The following CHN2 variants were observed in gnomAD, a reference collection of about 807,000 sequenced individuals.
The protein encoded by CHN2 is chimerin 2.
Under a neutral mutation model 56.3 loss-of-function variants are expected in CHN2, and 35 were observed. The observed-to-expected ratio is 0.62, with a 90% CI of 0.47 to 0.82. The LOEUF is 0.82. Among genes scored for constraint, CHN2 ranks in the 40% least tolerant of loss-of-function variants. CHN2 has a pLI of 0.00. For missense variants in CHN2, 491 were observed against 580.5 expected, an observed-to-expected ratio of 0.85 and a Z score of 1.58; for synonymous variants, 210 against 212.8, an observed-to-expected ratio of 0.99 and a Z score of 0.12.
At chr7:29,273,172 T>A (rs1790801228) in intron 1 of CHN2, among the ~76,000 whole-genome samples, 1 of 151,666 alleles carries the variant, frequency 6.6e-6, no homozygotes, top group Admixed American at 6.6e-5. Context: ...CTCTGTGTAT[T>A]TGAGCTTTTT....
At chr7:29,300,172 C>T (rs3793300) in intron 1 of CHN2, among the ~76,000 whole-genome samples, 33,231 of 152,080 alleles carry the variant, frequency 0.22, 4,162 homozygotes, top group Non-Finnish European at 0.29. Flanking sequence ...GATTATGGAA[C>T]GTCTTACATG....
intron 1 of CHN2, among the ~76,000 whole-genome samples, chr7:29,333,892 T>A (rs1459925396): frequency 1.3e-5 from 2 of 151,840 alleles, no homozygotes; most frequent in African/African-American, 4.8e-5. Flanking sequence ...AAAAGGTAGA[T>A]GATGATAGAA....
rs953455085 is a variant in CHN2, at chr7:29,194,852, G to A, written c.-90G>A. 10 of 1,230,686 alleles carry A rather than the reference G, an allele frequency of 8.1e-6. No homozygotes were observed. The highest frequency in any genetic ancestry group is 8.0e-5 in the African/African-American group (5 of 62,434). The allele number at this position is 1,230,686 out of a possible 1,614,324, so 76.2% of individuals were successfully genotyped here. A position where few individuals can be genotyped will look rare whatever the true frequency, so the allele number is the denominator to read the frequency against. Reference sequence around the variant, plus strand: ...CCCAGGACTTTGCCATGGGCTGGGGGCCGCGGAGGCTGCGAGCGGCCGGGC... The same window carrying A: ...CCCAGGACTTTGCCATGGGCTGGGGACCGCGGAGGCTGCGAGCGGCCGGGC... On this transcript the variant is annotated 5_prime_UTR_variant, in exon 1 of 13. Coordinates refer to ENST00000222792, the MANE Select transcript of CHN2 (RefSeq NM_004067.4).
At chr7:29,480,249 C>T in intron 6 of CHN2, 30 bp from the exon 7 acceptor site, 1 of 1,614,122 alleles carries the variant, frequency 6.2e-7, no homozygotes, top group South Asian at 1.1e-5. Flanking sequence ...CTTTCTTTGG[C>T]CCCCTCTCAA....
intron 1 of CHN2, among the ~76,000 whole-genome samples, chr7:29,273,345 A>ATATATATATGTG (rs201091032): frequency 4.3e-3 from 124 of 28,704 alleles, no homozygotes; most frequent in African/African-American, 0.015. Context: ...ATATATGTGT[A>ATATATATATGTG]TATATATATA....
At chr7:29,351,726 A>G (rs1797899601) in intron 1 of CHN2, among the ~76,000 whole-genome samples, 1 of 152,208 alleles carries the variant, frequency 6.6e-6, no homozygotes. Context: ...AAGCCAGTGT[A>G]GTTGGATGAT....
intron 1 of CHN2, among the ~76,000 whole-genome samples, chr7:29,295,263 T>G (rs1357745494): frequency 1.3e-5 from 2 of 151,384 alleles, no homozygotes; most frequent in African/African-American, 2.4e-5. Context: ...AATCCACAGA[T>G]GTGGAACCCA....
intron 1 of CHN2, among the ~76,000 whole-genome samples, chr7:29,248,024 C>T (rs1469782459): frequency 6.6e-6 from 1 of 152,216 alleles, no homozygotes; most frequent in East Asian, 1.9e-4. Context: ...AGCTCAGAGA[C>T]CAACCAGCTG....
rs117658405 is a variant in CHN2, at chr7:29,281,954, G to A, written c.50-72671G>A. Among the ~76,000 whole-genome samples the A allele has an allele frequency of 3.6e-3, 544 of 152,238 alleles. 1 individual carries two copies. Among genetic ancestry groups the A allele is most frequent in the Non-Finnish European group, 5.7e-3 (388 of 68,006 alleles). ...TCTGCTGCCTCGGCACTGGGTGGTG[G>A]GAACACTCAGGACTCCCTCCCGCCT... is the stretch of plus-strand genomic sequence containing the variant. On this transcript the variant is annotated intron_variant, in intron 1 of 12. Coordinates refer to ENST00000222792, the MANE Select transcript of CHN2 (RefSeq NM_004067.4).
chr7:29,176,347 C>A (rs1797339439), intron 2 of CHN2, among the ~76,000 whole-genome samples: 1 of 151,532 alleles, frequency 6.6e-6, no homozygotes, highest in Non-Finnish European at 1.5e-5. Flanking sequence ...CAGATTCCCC[C>A]AAACAGAGAG....
intron 1 of CHN2, among the ~76,000 whole-genome samples, chr7:29,249,238 ACT>A (rs1788304384): frequency 6.6e-6 from 1 of 152,122 alleles, no homozygotes; most frequent in Admixed American, 6.5e-5. Context: ...CGATGGCATA[ACT>A]CTCAGTTTGA....
At chr7:29,169,455 T>C (rs1796321137) in intron 2 of CHN2, among the ~76,000 whole-genome samples, 1 of 152,228 alleles carries the variant, frequency 6.6e-6, no homozygotes, top group African/African-American at 2.4e-5. Context: ...TTTGTTTTTA[T>C]ATAAATGTTT....
At chr7:29,437,248 T>A (rs913565170) in intron 6 of CHN2, among the ~76,000 whole-genome samples, 6 of 152,234 alleles carry the variant, frequency 3.9e-5, no homozygotes, top group Non-Finnish European at 7.3e-5. Context: ...CATCTGTACC[T>A]GACCTAGTAG....
At chr7:29,462,273 G>A (rs906146934) in intron 6 of CHN2, among the ~76,000 whole-genome samples, 12 of 152,192 alleles carry the variant, frequency 7.9e-5, no homozygotes, top group African/African-American at 2.7e-4. Flanking sequence ...GGCTGCTATA[G>A]ACCATATCAC....
At chr7:29,415,362 T>C (rs1024129345) in intron 6 of CHN2, among the ~76,000 whole-genome samples, 15 of 152,218 alleles carry the variant, frequency 9.9e-5, no homozygotes, top group African/African-American at 2.7e-4. Context: ...ACCAAGAGCT[T>C]CATTCTGGAG....
intron 2 of CHN2, among the ~76,000 whole-genome samples, chr7:29,152,606 C>G (rs1253829088): frequency 6.6e-6 from 1 of 152,134 alleles, no homozygotes; most frequent in Non-Finnish European, 1.5e-5. Context: ...TTAGTTTGTT[C>G]CCATCCACCC....
intron 1 of CHN2, among the ~76,000 whole-genome samples, chr7:29,305,931 C>T (rs1270009044): frequency 1.3e-5 from 2 of 151,620 alleles, no homozygotes; most frequent in South Asian, 2.1e-4. Flanking sequence ...CACATGCTTA[C>T]TTGAATCTTT....
In CHN2 at chr7:29,454,902, A is replaced by T. The variant is rs137994824; in HGVS notation, c.577-25377A>T. The stretch of plus-strand genomic sequence containing the variant: ...AAAAAACACCTTAGTGCATTTTTTA[A>T]CTAGACTGCTTTTAAAAATTATTAA... On this transcript the variant is annotated intron_variant, in intron 6 of 12. Transcript: ENST00000222792. Among the ~76,000 whole-genome samples the T allele has an allele frequency of 3.6e-3, 537 of 151,152 alleles. 7 individuals are homozygous for T. Among genetic ancestry groups the T allele is most frequent in the African/African-American group, 0.013 (521 of 40,474 alleles).
chr7:29,492,774 A>C (rs1206184640), intron 7 of CHN2, among the ~76,000 whole-genome samples: 1 of 152,152 alleles, frequency 6.6e-6, no homozygotes, highest in African/African-American at 2.4e-5. Flanking sequence ...CAGCCATCCA[A>C]AGAGATTGCT....
Sources: allele counts gnomAD v4.1 joint callset (sites outside exome capture counted in the v4.1 genomes callset), GRCh38; gene constraint gnomAD v4.1.1; transcripts MANE v1.5; gene names NCBI Gene and HGNC (gene_info 2026-07-23, HGNC 2026-07-21).